Variants in TSHZ2 observed in about 807,000 individuals in gnomAD.
TSHZ2 encodes the protein teashirt homolog 2.
TSHZ2 carries 21 observed loss-of-function variants against 74.4 expected under a neutral mutation model. The ratio of observed to expected loss-of-function variants is 0.28; its 90% CI spans 0.20 to 0.41. TSHZ2 has a LOEUF of 0.41. Among genes scored for constraint, TSHZ2 ranks in the 10% least tolerant of loss-of-function variants. The probability of loss-of-function intolerance (pLI) is 1.00; values close to 1 mark genes in which losing one functional copy is unlikely to be tolerated. For synonymous variants in TSHZ2, 540 were observed against 515.3 expected (o/e 1.05, Z -0.65); for missense variants, 1,244 against 1,293.5 (o/e 0.96, Z 0.59).
chr20:53,307,568 G>T (rs1447315114), intron 2 of TSHZ2, among the ~76,000 whole-genome samples: 1 of 152,206 alleles, frequency 6.6e-6, no homozygotes, highest in Non-Finnish European at 1.5e-5. Context: ...ACATACTGAA[G>T]CCAGCACCAT....
intron 1 of TSHZ2, among the ~76,000 whole-genome samples, chr20:53,199,142 C>A (rs550498881): frequency 3.7e-4 from 56 of 152,288 alleles, no homozygotes; most frequent in African/African-American, 1.2e-3. Flanking sequence ...TGACGTAGAG[C>A]CAACATTCAT....
intron 1 of TSHZ2, among the ~76,000 whole-genome samples, chr20:53,123,921 C>T (rs1457984471): frequency 6.6e-6 from 1 of 152,174 alleles, no homozygotes; most frequent in East Asian, 1.9e-4. Flanking sequence ...AAACAATTCT[C>T]CGTGTTAATG....
chr20:53,447,434 C>T (rs768615195), intron 2 of TSHZ2, among the ~76,000 whole-genome samples: 2 of 152,196 alleles, frequency 1.3e-5, no homozygotes, highest in Non-Finnish European at 2.9e-5. Context: ...GCAGTTTATG[C>T]ATACCCTTAA....
At chr20:53,423,598 A>G (rs1402335899) in intron 2 of TSHZ2, among the ~76,000 whole-genome samples, 1 of 152,094 alleles carries the variant, frequency 6.6e-6, no homozygotes, top group Non-Finnish European at 1.5e-5. Flanking sequence ...CTTCACCCAG[A>G]GTTTTCTCTA....
intron 2 of TSHZ2, among the ~76,000 whole-genome samples, chr20:53,476,418 A>T (rs1390077384): frequency 6.6e-6 from 1 of 152,100 alleles, no homozygotes; most frequent in South Asian, 2.1e-4. Context: ...CCACATGATT[A>T]TCTCAATAGA....
At chr20:53,253,350 C>G (rs750604246) in intron 1 of TSHZ2, 149 bp from the exon 2 acceptor site, 23 of 1,117,224 alleles carry the variant, frequency 2.1e-5, no homozygotes, top group Admixed American at 8.7e-5. Flanking sequence ...CACCATTTGG[C>G]TTTTCCTGTG....
intron 2 of TSHZ2, among the ~76,000 whole-genome samples, chr20:53,290,990 T>G (rs536018561): frequency 6.6e-6 from 1 of 152,338 alleles, no homozygotes; most frequent in Admixed American, 6.5e-5. Context: ...CTGAAATATT[T>G]ACTACCTAGT....
At chr20:53,230,734 T>C (rs775894101) in intron 1 of TSHZ2, among the ~76,000 whole-genome samples, 2 of 151,614 alleles carry the variant, frequency 1.3e-5, no homozygotes, top group Non-Finnish European at 2.9e-5. Flanking sequence ...TTACTAAAAA[T>C]ACAAAAAATT....
intron 1 of TSHZ2, chr20:53,098,010 C>T (rs1010109113): frequency 2.6e-5 from 4 of 152,160 alleles, no homozygotes; most frequent in African/African-American, 9.7e-5. Context: ...ACAATGAGGA[C>T]CTTTAGTTTT....
intron 1 of TSHZ2, among the ~76,000 whole-genome samples, chr20:53,155,052 ATT>A (rs11475183): frequency 0.07 from 8,267 of 118,042 alleles, 349 homozygotes; most frequent in African/African-American, 0.2. Context: ...TTGAATATGC[ATT>A]TTTTTTTTTT....
At chr20:53,459,899 G>T (rs1473853924) in intron 2 of TSHZ2, among the ~76,000 whole-genome samples, 1 of 152,088 alleles carries the variant, frequency 6.6e-6, no homozygotes, top group Non-Finnish European at 1.5e-5. Context: ...ACTCTTTCTG[G>T]CTTGTAGGGT....
intron 1 of TSHZ2, among the ~76,000 whole-genome samples, chr20:53,135,258 C>T (rs563409724): frequency 6.6e-6 from 1 of 152,162 alleles, no homozygotes; most frequent in African/African-American, 2.4e-5. Context: ...CAGAAGAGCT[C>T]CAGCCCTCCA....
At chr20:53,442,034 G>A (rs1351300950) in intron 2 of TSHZ2, among the ~76,000 whole-genome samples, 2 of 152,358 alleles carry the variant, frequency 1.3e-5, no homozygotes, top group East Asian at 3.9e-4. Flanking sequence ...AGTTGAGTGT[G>A]TTGGGTTGGG....
At chr20:53,462,857 C>G (rs539678900) in intron 2 of TSHZ2, among the ~76,000 whole-genome samples, 6 of 152,084 alleles carry the variant, frequency 3.9e-5, no homozygotes, top group African/African-American at 1.4e-4. Flanking sequence ...AAAAGGGATC[C>G]AAATCCAGGT....
intron 2 of TSHZ2, among the ~76,000 whole-genome samples, chr20:53,462,999 C>T (rs1985428309): frequency 6.6e-6 from 1 of 152,144 alleles, no homozygotes; most frequent in Non-Finnish European, 1.5e-5. Context: ...ATGTAAAGTG[C>T]CTCACACAAT....
intron 2 of TSHZ2, among the ~76,000 whole-genome samples, chr20:53,265,339 G>A (rs1159315778): frequency 6.6e-6 from 1 of 152,150 alleles, no homozygotes; most frequent in Non-Finnish European, 1.5e-5. Flanking sequence ...GCTGAGACAA[G>A]GGAGAGACTG....
At chr20:53,024,296 T>C (rs1218410615) in intron 1 of TSHZ2, among the ~76,000 whole-genome samples, 2 of 151,970 alleles carry the variant, frequency 1.3e-5, no homozygotes, top group African/African-American at 2.4e-5. Flanking sequence ...TGTTCTGCTT[T>C]TAATCTGGCG....
At chr20:53,129,956 G>A (rs1257799857) in intron 1 of TSHZ2, among the ~76,000 whole-genome samples, 1 of 151,696 alleles carries the variant, frequency 6.6e-6, no homozygotes, top group Non-Finnish European at 1.5e-5. Flanking sequence ...TTTTATACTC[G>A]TTTTCCTCTC....
chr20:53,106,550 G>A (rs377726273), intron 1 of TSHZ2, among the ~76,000 whole-genome samples: 14 of 136,946 alleles, frequency 1.0e-4, no homozygotes, highest in African/African-American at 3.6e-4. Flanking sequence ...GACTACAGGC[G>A]CCCGCCACCA....
Sources: allele counts gnomAD v4.1 joint callset (sites outside exome capture counted in the v4.1 genomes callset), GRCh38; gene constraint gnomAD v4.1.1; transcripts MANE v1.5; gene names NCBI Gene and HGNC (gene_info 2026-07-23, HGNC 2026-07-21).